Variants in NKTR observed in about 807,000 individuals in gnomAD.
The protein encoded by NKTR is NK-tumor recognition protein.
NKTR carries 67 observed loss-of-function variants against 156.3 expected under a neutral mutation model. The ratio of observed to expected loss-of-function variants is 0.43; its 90% CI spans 0.35 to 0.53. NKTR has a LOEUF of 0.53. Among genes scored for constraint, NKTR ranks in the 20% least tolerant of loss-of-function variants. The probability of loss-of-function intolerance (pLI) is 0.01; values close to 1 mark genes in which losing one functional copy is unlikely to be tolerated. For synonymous variants in NKTR, 640 were observed against 596.6 expected (o/e 1.07, Z -1.06); for missense variants, 1,604 against 1,730.9 (o/e 0.93, Z 1.30).
At chr3:42,610,365 G>C (rs1241556484) in intron 2 of NKTR, among the ~76,000 whole-genome samples, 2 of 152,088 alleles carry the variant, frequency 1.3e-5, no homozygotes, top group Non-Finnish European at 2.9e-5. Flanking sequence ...AACTACTTTT[G>C]ACTTGTTTCC....
intron 2 of NKTR, among the ~76,000 whole-genome samples, chr3:42,605,167 A>G (rs1706117249): frequency 6.6e-6 from 1 of 152,204 alleles, no homozygotes; most frequent in Non-Finnish European, 1.5e-5. Flanking sequence ...AGATATGAAT[A>G]TAGTTACTTC....
intron 14 of NKTR, among the ~76,000 whole-genome samples, chr3:42,642,837 C>T (rs373048396): frequency 6.6e-6 from 1 of 152,192 alleles, no homozygotes; most frequent in South Asian, 2.1e-4. Flanking sequence ...TGACCCCTAC[C>T]TCCACCTCCC....
chr3:42,620,687 C>T, intron 5 of NKTR: 1 of 984,264 alleles, frequency 1.0e-6, no homozygotes, highest in Non-Finnish European at 1.2e-6. Context: ...TAAAATAACT[C>T]TAAGTGATCT....
intron 2 of NKTR, among the ~76,000 whole-genome samples, chr3:42,613,506 C>G (rs563556483): frequency 1.2e-4 from 18 of 152,232 alleles, no homozygotes; most frequent in African/African-American, 3.6e-4. Context: ...GTTTATCAAC[C>G]TCTGCAACAT....
chr3:42,631,056 A>C (rs919274672), intron 7 of NKTR, 115 bp from the exon 8 acceptor site: 2 of 1,461,698 alleles, frequency 1.4e-6, no homozygotes, highest in African/African-American at 1.4e-5. Flanking sequence ...TACAACAAAC[A>C]GTTTGGTTTT....
chr3:42,618,892 A>G (rs1707652562), intron 3 of NKTR, 128 bp from the exon 4 acceptor site: 1 of 723,740 alleles, frequency 1.4e-6, no homozygotes, highest in Non-Finnish European at 2.2e-6. Flanking sequence ...CATGTCATCT[A>G]TTTCTTATAT....
intron 3 of NKTR, among the ~76,000 whole-genome samples, chr3:42,618,742 C>T (rs922737553): frequency 3.9e-5 from 6 of 152,192 alleles, no homozygotes; most frequent in African/African-American, 9.7e-5. Flanking sequence ...TTGCGCCTGA[C>T]CTCATTCTTT....
At chr3:42,627,125 T>C (rs1360944057) in intron 6 of NKTR, 12 of 867,800 alleles carry the variant, frequency 1.4e-5, no homozygotes, top group Non-Finnish European at 1.7e-5. Flanking sequence ...TATATTGATA[T>C]TAAAACATAG....
rs186175611 is a variant in NKTR, at chr3:42,638,521, T to C, written c.2817T>C (p.Thr939=). 3.1e-6 allele frequency: 5 copies of C among 1,612,420 alleles called. No individual in the cohort carries two copies. The highest frequency in any genetic ancestry group is 1.7e-4 in the Middle Eastern group (1 of 6,050). The change falls in exon 13 of 17, where the codon ACT becomes ACC. Residue 939 remains threonine, a synonymous_variant. Transcript: ENST00000232978. ...CCACAACCAAGTCGTCCACAAATAC[T>C]TCACTGCCTGATGATAATGGTGCTT... The part of the protein sequence containing the change: ...VKPTTKSSTN[T]SLPDDNGAWK...
At chr3:42,619,748 A>G (rs1172461670) in intron 5 of NKTR, 40 bp downstream of exon 5, 3 of 1,603,124 alleles carry the variant, frequency 1.9e-6, no homozygotes, top group East Asian at 2.2e-5. Flanking sequence ...TTCAGTTCTG[A>G]TATTAAAGCA....
chr3:42,605,618 AAC>A (rs1706158650), intron 2 of NKTR, among the ~76,000 whole-genome samples: 1 of 152,186 alleles, frequency 6.6e-6, no homozygotes, highest in Non-Finnish European at 1.5e-5. Flanking sequence ...AATTAAACTA[AAC>A]TTTAGACTCA....
intron 2 of NKTR, among the ~76,000 whole-genome samples, chr3:42,607,214 C>T (rs536483643): frequency 6.6e-6 from 1 of 152,104 alleles, no homozygotes; most frequent in African/African-American, 2.4e-5. Flanking sequence ...TACTGTGTTA[C>T]TTTTGACATG....
intron 2 of NKTR, chr3:42,602,415 A>C (rs940637929): frequency 1.3e-5 from 2 of 152,236 alleles, no homozygotes; most frequent in Non-Finnish European, 2.9e-5. Flanking sequence ...CGTCCTGGTT[A>C]TTAAACAATG....
intron 7 of NKTR, 188 bp downstream of exon 7, chr3:42,630,763 G>A: frequency 7.2e-7 from 1 of 1,395,364 alleles, no homozygotes; most frequent in Non-Finnish European, 9.3e-7. Context: ...GACTGAAGGA[G>A]TCAATCTGTG....
At chr3:42,643,666 A>G in intron 15 of NKTR, 1 of 669,180 alleles carries the variant, frequency 1.5e-6, no homozygotes, top group African/African-American at 1.8e-5. Context: ...CTAACTCGTT[A>G]ACTTTGTGAT....
chr3:42,606,624 AAT>A (rs545370917), intron 2 of NKTR, among the ~76,000 whole-genome samples: 2 of 152,206 alleles, frequency 1.3e-5, no homozygotes, highest in Admixed American at 1.3e-4. Flanking sequence ...TTAATTCAGC[AAT>A]GTTTATTTTA....
In NKTR at chr3:42,638,051, A is replaced by T; in HGVS notation, c.2347A>T (p.Ser783Cys). 6.2e-7 allele frequency: 1 copy of T among 1,614,214 alleles called. No homozygotes were observed. Among genetic ancestry groups the T allele is most frequent in the South Asian group, 1.1e-5 (1 of 91,084 alleles). ...HSSSSEKTLH[S>C]KYVKGRDRSS... ...CAGCAGCTCTGAAAAGACACTTCAC[A>T]GTAAATATGTCAAAGGTAGAGACAG... The change falls in exon 13 of 17, where the codon AGT (serine) becomes TGT (cysteine). Residue 783 changes from serine (S) to cysteine (C), a missense_variant. Transcript: ENST00000232978.
intron 16 of NKTR, among the ~76,000 whole-genome samples, chr3:42,644,677 ACT>A (rs1491223980): frequency 2.0e-5 from 3 of 151,448 alleles, no homozygotes; most frequent in South Asian, 2.1e-4. Context: ...TCCAGCTCAC[ACT>A]CTTTCTGGCT....
chr3:42,606,794 G>C (rs963973171), intron 2 of NKTR, among the ~76,000 whole-genome samples: 13 of 152,040 alleles, frequency 8.6e-5, no homozygotes, highest in Admixed American at 8.5e-4. Context: ...GATTGCTTGA[G>C]CATAGGAGTT....
Sources: allele counts gnomAD v4.1 joint callset (sites outside exome capture counted in the v4.1 genomes callset), GRCh38; gene constraint gnomAD v4.1.1; transcripts MANE v1.5; gene names NCBI Gene and HGNC (gene_info 2026-07-23, HGNC 2026-07-21).